OSBPL1A: variants seen among roughly 807,000 people sequenced by gnomAD.
OSBPL1A encodes the protein oxysterol-binding protein-related protein 1.
In OSBPL1A, 80 loss-of-function variants were observed where a neutral mutation model predicts 137.1. The observed-to-expected ratio is 0.58, with a 90% CI of 0.49 to 0.70. The LOEUF is 0.70. Among genes scored for constraint, OSBPL1A ranks in the 30% least tolerant of loss-of-function variants. The pLI is 0.00. For synonymous variants in OSBPL1A, 365 were observed against 389.7 expected (o/e 0.94, Z 0.75); for missense variants, 970 against 1,129.4 (o/e 0.86, Z 2.02).
intron 16 of OSBPL1A, among the ~76,000 whole-genome samples, chr18:24,231,326 T>C (rs2088269444): frequency 6.6e-6 from 1 of 152,194 alleles, no homozygotes; most frequent in Non-Finnish European, 1.5e-5. Flanking sequence ...AGACTCTTGC[T>C]CTGGCACCCA....
chr18:24,361,589 A>G (rs939799626), intron 4 of OSBPL1A, among the ~76,000 whole-genome samples: 1 of 152,230 alleles, frequency 6.6e-6, no homozygotes, highest in Non-Finnish European at 1.5e-5. Flanking sequence ...ACATAGATAA[A>G]TGAACTTATT....
At chr18:24,300,422 T>A (rs1338805982) in intron 14 of OSBPL1A, among the ~76,000 whole-genome samples, 1 of 152,174 alleles carries the variant, frequency 6.6e-6, no homozygotes, top group South Asian at 2.1e-4. Context: ...ATGTAAAAAA[T>A]TATGATCCAA....
intron 5 of OSBPL1A, among the ~76,000 whole-genome samples, chr18:24,338,537 G>C (rs1204268787): frequency 6.6e-6 from 1 of 152,076 alleles, no homozygotes; most frequent in African/African-American, 2.4e-5. Context: ...TAAACTCCCT[G>C]CTACTCCATC....
At chr18:24,276,313 T>C (rs2089844977) in intron 15 of OSBPL1A, among the ~76,000 whole-genome samples, 1 of 152,238 alleles carries the variant, frequency 6.6e-6, no homozygotes, top group Admixed American at 6.5e-5. Context: ...AGCACTCACA[T>C]TCTGTTATAC....
chr18:24,247,186 A>G (rs2146021440), intron 15 of OSBPL1A, among the ~76,000 whole-genome samples: 1 of 152,352 alleles, frequency 6.6e-6, no homozygotes. Context: ...CAAAAAAGAG[A>G]GAGACAGAGA....
intron 5 of OSBPL1A, among the ~76,000 whole-genome samples, chr18:24,338,942 G>A (rs1230233934): frequency 6.6e-6 from 1 of 152,078 alleles, no homozygotes; most frequent in African/African-American, 2.4e-5. Flanking sequence ...TTGAACTTGT[G>A]ACCTCGTGAT....
Position 24,231,298 on chromosome 18 carries a change from G to A in OSBPL1A, c.1445-6100C>T, listed in dbSNP as rs145765273. Among the ~76,000 whole-genome samples the A allele has an allele frequency of 3.1e-3, 476 of 152,052 alleles. 1 individual carries two copies. Among genetic ancestry groups the A allele is most frequent in the African/African-American group, 0.011 (467 of 41,454 alleles). ...GGCCCAGATCTTTAAAGTTCTTTTT[G>A]TTTGTTTGTTTTGAAACAGACTCTT... On this transcript the variant is annotated intron_variant, in intron 16 of 27. Coordinates refer to ENST00000319481, the MANE Select transcript of OSBPL1A (RefSeq NM_080597.4).
chr18:24,183,300 C>T (rs1469461813), intron 18 of OSBPL1A, among the ~76,000 whole-genome samples: 2 of 152,092 alleles, frequency 1.3e-5, no homozygotes, highest in Non-Finnish European at 2.9e-5. Context: ...TGTCTCTTTA[C>T]TTCCCTTTCC....
At chr18:24,187,058 G>T (rs1034679425) in intron 18 of OSBPL1A, among the ~76,000 whole-genome samples, 2 of 152,094 alleles carry the variant, frequency 1.3e-5, no homozygotes, top group Admixed American at 1.3e-4. Flanking sequence ...AATTGGCGTA[G>T]AAGTAATACA....
chr18:24,289,979 A>T (rs555290003), intron 14 of OSBPL1A, among the ~76,000 whole-genome samples: 1 of 152,288 alleles, frequency 6.6e-6, no homozygotes, highest in Admixed American at 6.5e-5. Flanking sequence ...TCACTTTCAC[A>T]CTATTGTAAA....
intron 17 of OSBPL1A, among the ~76,000 whole-genome samples, chr18:24,205,706 G>C (rs1325151841): frequency 3.9e-5 from 6 of 152,020 alleles, no homozygotes; most frequent in Admixed American, 2.6e-4. Flanking sequence ...TTACTTTTTG[G>C]ATGAAAAATT....
At chr18:24,284,138 A>G (rs1228566704) in intron 14 of OSBPL1A, among the ~76,000 whole-genome samples, 4 of 152,146 alleles carry the variant, frequency 2.6e-5, no homozygotes, top group Admixed American at 1.3e-4. Flanking sequence ...ACCTTGCCGT[A>G]TGCCACACTG....
At chr18:24,274,689 CTTCAG>C (rs1201096209) in intron 15 of OSBPL1A, among the ~76,000 whole-genome samples, 2 of 152,168 alleles carry the variant, frequency 1.3e-5, no homozygotes, top group East Asian at 1.9e-4. Flanking sequence ...GAGTGTATCA[CTTCAG>C]TTCAGAAGTT....
chr18:24,167,495 C>T, intron 24 of OSBPL1A, 50 bp from the exon 25 acceptor site: 1 of 1,413,976 alleles, frequency 7.1e-7, no homozygotes, highest in Non-Finnish European at 1.0e-6. Context: ...TTTTAAGATA[C>T]AGTCAAGCAC....
At chr18:24,175,112 A>ATATATATATATATGTATG (rs2086401026) in intron 21 of OSBPL1A, among the ~76,000 whole-genome samples, 1 of 16,278 alleles carries the variant, frequency 6.1e-5, no homozygotes, top group African/African-American at 9.0e-5. Flanking sequence ...GTGTATGTAT[A>ATATATATATATATGTATG]TATATATATA....
Position 24,271,854 on chromosome 18 carries a change from G to C in OSBPL1A, c.1281+8988C>G. 3.0e-6 allele frequency: 3 copies of C among 985,282 alleles called. No individual in the cohort carries two copies. Among genetic ancestry groups the C allele is most frequent in the South Asian group, 9.4e-5 (2 of 21,298 alleles). 61.0% of individuals were successfully genotyped at this position (985,282 alleles called of 1,614,324 possible). On this transcript the variant is annotated intron_variant, in intron 15 of 27. Coordinates refer to ENST00000319481, the MANE Select transcript of OSBPL1A (RefSeq NM_080597.4). The surrounding 1 kb of genome is among the most constrained non-coding windows in gnomAD (Gnocchi z 4.0). The stretch of plus-strand genomic sequence containing the variant: ...CAGCCTTCCCCAGCGAGGTCGGGCA[G>C]AGGCGTTGCCCGCCAGCGGCCCAGG...
At chr18:24,368,218 C>G in intron 3 of OSBPL1A, 69 bp downstream of exon 3, 1 of 1,288,872 alleles carries the variant, frequency 7.8e-7, no homozygotes, top group Non-Finnish European at 1.1e-6. Flanking sequence ...TTTTCTAAGA[C>G]TTTCATCTTA....
chr18:24,306,273 C>T (rs2090499270), intron 13 of OSBPL1A, among the ~76,000 whole-genome samples: 1 of 152,146 alleles, frequency 6.6e-6, no homozygotes, highest in Admixed American at 6.6e-5. Flanking sequence ...AAAATTTTAG[C>T]TGTTGGTTTT....
chr18:24,193,685 CT>C (rs1167193094), intron 18 of OSBPL1A, among the ~76,000 whole-genome samples: 2 of 152,050 alleles, frequency 1.3e-5, no homozygotes, highest in Non-Finnish European at 2.9e-5. Context: ...TAAAAATGTT[CT>C]TTCAGAACAT....
Sources: allele counts gnomAD v4.1 joint callset (sites outside exome capture counted in the v4.1 genomes callset), GRCh38; gene constraint gnomAD v4.1.1; non-coding constraint Gnocchi (gnomAD v3.1); transcripts MANE v1.5; gene names NCBI Gene and HGNC (gene_info 2026-07-23, HGNC 2026-07-21).